Variants in ASTN2 observed in about 807,000 individuals in gnomAD.
ASTN2 encodes astrotactin-2.
A neutral mutation model predicts 139.8 loss-of-function variants in ASTN2; 54 were observed. That is an observed-to-expected ratio of 0.39 (90% CI 0.31 to 0.48). The LOEUF is 0.48. ASTN2 is among the 20% of genes least tolerant of loss of function. ASTN2 has a pLI of 0.95. For synonymous variants in ASTN2, 756 were observed against 719.5 expected, an observed-to-expected ratio of 1.05 and a Z score of -0.81; for missense variants, 1,565 against 1,725.1, an observed-to-expected ratio of 0.91 and a Z score of 1.64.
intron 10 of ASTN2, among the ~76,000 whole-genome samples, chr9:116,892,287 C>T (rs1833780457): frequency 6.6e-6 from 1 of 152,220 alleles, no homozygotes; most frequent in Admixed American, 6.5e-5. Context: ...ACGTCTCTTT[C>T]TCAAGCAGTT....
chr9:116,506,824 C>T (rs751396140), intron 19 of ASTN2, among the ~76,000 whole-genome samples: 9 of 152,322 alleles, frequency 5.9e-5, no homozygotes, highest in South Asian at 2.1e-4. Context: ...GAGCGACTTA[C>T]TGACTCTTCA....
intron 5 of ASTN2, among the ~76,000 whole-genome samples, chr9:117,081,163 T>C (rs1437105770): frequency 6.6e-6 from 1 of 152,250 alleles, no homozygotes; most frequent in African/African-American, 2.4e-5. Flanking sequence ...CACATTGTTA[T>C]GCATGCTGAA....
At chr9:117,327,682 G>C (rs560342396) in intron 1 of ASTN2, among the ~76,000 whole-genome samples, 2 of 152,304 alleles carry the variant, frequency 1.3e-5, no homozygotes, top group African/African-American at 4.8e-5. Context: ...ATAGCAGCTT[G>C]AAGAAACCGA....
chr9:116,537,554 C>T (rs1381846114), intron 19 of ASTN2, among the ~76,000 whole-genome samples: 2 of 152,114 alleles, frequency 1.3e-5, no homozygotes, highest in African/African-American at 4.8e-5. Flanking sequence ...CAGTGAAGCC[C>T]TGGAAGGTGA....
chr9:116,741,189 C>A (rs574572765), intron 13 of ASTN2, among the ~76,000 whole-genome samples: 13 of 152,268 alleles, frequency 8.5e-5, no homozygotes, highest in Admixed American at 2.6e-4. Context: ...TACATTAATA[C>A]ACAGCAGCCA....
chr9:116,522,010 G>A (rs1448687337), intron 19 of ASTN2, among the ~76,000 whole-genome samples: 1 of 151,850 alleles, frequency 6.6e-6, no homozygotes, highest in Non-Finnish European at 1.5e-5. Flanking sequence ...AAAACAAAAA[G>A]TAATAGATGT....
At chr9:117,012,054 G>A (rs1031556623) in intron 6 of ASTN2, among the ~76,000 whole-genome samples, 18 of 152,286 alleles carry the variant, frequency 1.2e-4, no homozygotes, top group African/African-American at 3.6e-4. Context: ...CCAACTCTCA[G>A]TAAAATGCCT....
chr9:116,646,233 T>C (rs138611254), intron 17 of ASTN2, among the ~76,000 whole-genome samples: 19 of 152,326 alleles, frequency 1.2e-4, no homozygotes, highest in African/African-American at 4.3e-4. Context: ...ACTCCACTTA[T>C]CTGTTTTTTA....
At chr9:116,624,609 G>A (rs1020246049) in intron 17 of ASTN2, among the ~76,000 whole-genome samples, 2 of 152,164 alleles carry the variant, frequency 1.3e-5, no homozygotes, top group Non-Finnish European at 2.9e-5. Context: ...TACACAGAAT[G>A]TCACTAAGCC....
At chr9:117,184,949 G>A (rs548629755) in intron 3 of ASTN2, among the ~76,000 whole-genome samples, 134 of 152,216 alleles carry the variant, frequency 8.8e-4, no homozygotes, top group Non-Finnish European at 1.6e-3. Flanking sequence ...AATAACCTGA[G>A]AAGAGTCCAA....
At chr9:116,853,254 G>A (rs1000261117) in intron 11 of ASTN2, among the ~76,000 whole-genome samples, 2 of 150,322 alleles carry the variant, frequency 1.3e-5, no homozygotes, top group African/African-American at 2.5e-5. Flanking sequence ...ATTTTATAAT[G>A]AGAATGAGCT....
At chr9:117,346,008 G>T (rs1173305609) in intron 1 of ASTN2, among the ~76,000 whole-genome samples, 2 of 64,348 alleles carry the variant, frequency 3.1e-5, no homozygotes, top group African/African-American at 1.1e-4. Flanking sequence ...TGAACTAAGA[G>T]GCAAAAAAAA....
At chr9:116,733,621 C>A (rs1019271936) in intron 13 of ASTN2, 98 bp from the exon 14 acceptor site, 19 of 1,496,374 alleles carry the variant, frequency 1.3e-5, no homozygotes, top group Non-Finnish European at 1.6e-5. Flanking sequence ...AATAAAGACT[C>A]ATGGTGGGGT....
chr9:116,853,003 G>C (rs931559940), intron 11 of ASTN2, among the ~76,000 whole-genome samples: 3 of 151,888 alleles, frequency 2.0e-5, no homozygotes, highest in East Asian at 1.9e-4. Context: ...GTGTAGTTCT[G>C]ACTTAGAAAA....
chr9:117,141,579 G>C, intron 3 of ASTN2, 101 bp from the exon 4 acceptor site: 1 of 1,126,624 alleles, frequency 8.9e-7, no homozygotes, highest in South Asian at 1.4e-5. Context: ...TCAGCCCCTA[G>C]AGCACTAGAC....
chr9:116,838,956 A>ACAT (rs1047765868), intron 11 of ASTN2, among the ~76,000 whole-genome samples: 1 of 152,212 alleles, frequency 6.6e-6, no homozygotes, highest in African/African-American at 2.4e-5. Flanking sequence ...ATGTTTTAAG[A>ACAT]CATCACAAGG....
intron 10 of ASTN2, among the ~76,000 whole-genome samples, chr9:116,881,786 G>A (rs1833455900): frequency 6.6e-6 from 1 of 152,182 alleles, no homozygotes; most frequent in Non-Finnish European, 1.5e-5. Context: ...GCAGCAACAG[G>A]CCGTGTTCAA....
Position 116,681,988 on chromosome 9 carries a change from T to C in ASTN2, c.2807-30195A>G, listed in dbSNP as rs368229983. On this transcript the variant is annotated intron_variant, in intron 16 of 22. Transcript: ENST00000313400. ...GGGCAAGGACTTCATGTCTAAAACA[T>C]CAAAAGCAATGGCAACAAAAGCCAA... is the stretch of plus-strand genomic sequence containing the variant. Among the ~76,000 whole-genome samples the C allele has an allele frequency of 8.2e-4, 124 of 151,482 alleles. 1 individual carries two copies. The East Asian group carries it at 0.018, about 22-fold the overall frequency.
chr9:117,339,043 G>GC (rs1376249557), intron 1 of ASTN2, among the ~76,000 whole-genome samples: 7 of 152,228 alleles, frequency 4.6e-5, no homozygotes, highest in Admixed American at 1.3e-4. Context: ...CTGGGCTGCT[G>GC]CTTGAGCTGC....
Sources: allele counts gnomAD v4.1 joint callset (sites outside exome capture counted in the v4.1 genomes callset), GRCh38; gene constraint gnomAD v4.1.1; transcripts MANE v1.5; gene names NCBI Gene and HGNC (gene_info 2026-07-23, HGNC 2026-07-21).